The following MYO10 variants were observed in gnomAD, a reference collection of about 807,000 sequenced individuals.
MYO10 encodes unconventional myosin-X.
A neutral mutation model predicts 257.3 loss-of-function variants in MYO10; 133 were observed. The ratio of observed to expected loss-of-function variants is 0.52; its 90% CI spans 0.45 to 0.60. MYO10 has a LOEUF of 0.60. MYO10 is among the 20% of genes least tolerant of loss of function. MYO10 has a pLI of 0.00. For synonymous variants in MYO10, 1,104 were observed against 1,028.6 expected (o/e 1.07, Z -1.40); for missense variants, 2,399 against 2,635.7 (o/e 0.91, Z 1.97).
intron 19 of MYO10, among the ~76,000 whole-genome samples, chr5:16,712,951 C>T (rs1220341009): frequency 1.3e-5 from 2 of 151,992 alleles, no homozygotes; most frequent in Admixed American, 6.6e-5. Flanking sequence ...TTTAAAAATG[C>T]GGGTTGGGGG....
At position 16,665,441 on chromosome 5, in the gene MYO10, A is replaced by C. The variant is rs1426143809; in HGVS notation, c.*1251T>G. On this transcript the variant is annotated 3_prime_UTR_variant, in exon 41 of 41. Coordinates refer to ENST00000513610, the MANE Select transcript of MYO10 (RefSeq NM_012334.3). ...CAAGTCCTTAAAACTTTTCCATATA[A>C]AAATAAAAAGTCCAAGACCAGATTA... 1 of 152,182 alleles carries C rather than the reference A, an allele frequency of 6.6e-6. No homozygotes were observed. The highest frequency in any genetic ancestry group is 1.5e-5 in the Non-Finnish European group (1 of 68,028). The allele number at this position is 152,182 out of a possible 1,614,324, so 9.4% of individuals were successfully genotyped here. A position where few individuals can be genotyped will look rare whatever the true frequency, so the allele number is the denominator to read the frequency against.
chr5:16,747,918 C>CA (rs777257950), intron 19 of MYO10, among the ~76,000 whole-genome samples: 1,129 of 30,440 alleles, frequency 0.037, 240 homozygotes, highest in Non-Finnish European at 0.2. Flanking sequence ...AACTCCGTCT[C>CA]AAAAAAAAAA....
chr5:16,833,936 T>C (rs1743232437), intron 2 of MYO10, among the ~76,000 whole-genome samples: 1 of 152,228 alleles, frequency 6.6e-6, no homozygotes, highest in Non-Finnish European at 1.5e-5. Context: ...GGCCATACCC[T>C]GATTGGAATT....
intron 27 of MYO10, 118 bp from the exon 28 acceptor site, chr5:16,690,037 G>A: frequency 1.4e-6 from 1 of 726,226 alleles, no homozygotes; most frequent in Non-Finnish European, 2.4e-6. Flanking sequence ...TGACGAAACG[G>A]TACACAGTTG....
chr5:16,780,460 C>G (rs774908648), intron 8 of MYO10, 64 bp downstream of exon 8: 5 of 1,352,326 alleles, frequency 3.7e-6, no homozygotes, highest in Non-Finnish European at 5.2e-6. Flanking sequence ...CTCTCATTTA[C>G]TGACATCTAT....
chr5:16,909,198 G>A (rs903792953), intron 1 of MYO10, among the ~76,000 whole-genome samples: 1 of 152,116 alleles, frequency 6.6e-6, no homozygotes, highest in African/African-American at 2.4e-5. Flanking sequence ...CATGTCCAGG[G>A]GAACTGCCCT....
intron 1 of MYO10, among the ~76,000 whole-genome samples, chr5:16,908,409 T>C (rs1745571650): frequency 6.6e-6 from 1 of 151,744 alleles, no homozygotes; most frequent in Admixed American, 6.6e-5. Context: ...ACACCTGTAA[T>C]CCCAGCTACT....
At chr5:16,883,135 T>G (rs373830380) in intron 1 of MYO10, among the ~76,000 whole-genome samples, 11 of 152,208 alleles carry the variant, frequency 7.2e-5, no homozygotes, top group African/African-American at 2.4e-4. Context: ...CAGGATGGTC[T>G]TGATCTCCTG....
intron 19 of MYO10, among the ~76,000 whole-genome samples, chr5:16,746,974 C>G (rs1339768942): frequency 3.3e-5 from 5 of 152,198 alleles, no homozygotes; most frequent in Admixed American, 3.3e-4. Flanking sequence ...GTGGCAGACC[C>G]TCACACCCAG....
intron 16 of MYO10, 136 bp from the exon 17 acceptor site, chr5:16,761,682 G>C: frequency 1.4e-6 from 1 of 708,948 alleles, no homozygotes; most frequent in Non-Finnish European, 2.3e-6. Context: ...ACAGGGTCTT[G>C]CTCTATTTCC....
intron 19 of MYO10, among the ~76,000 whole-genome samples, chr5:16,722,169 C>T (rs1739177471): frequency 6.6e-6 from 1 of 152,218 alleles, no homozygotes; most frequent in Non-Finnish European, 1.5e-5. Context: ...ATGCATCCCA[C>T]AGGTGCCATC....
intron 1 of MYO10, among the ~76,000 whole-genome samples, chr5:16,913,042 CA>C (rs1411854676): frequency 4.8e-4 from 72 of 150,410 alleles, no homozygotes; most frequent in African/African-American, 1.6e-3. Context: ...TAAAGTTCAC[CA>C]AAAAAGGAGC....
At chr5:16,870,435 G>A (rs1334011702) in intron 2 of MYO10, among the ~76,000 whole-genome samples, 1 of 151,394 alleles carries the variant, frequency 6.6e-6, no homozygotes, top group Non-Finnish European at 1.5e-5. Context: ...AGGAGCTTGT[G>A]AAAAATTCAG....
chr5:16,703,274 C>T, intron 22 of MYO10, 116 bp from the exon 23 acceptor site: 1 of 748,602 alleles, frequency 1.3e-6, no homozygotes, highest in South Asian at 1.9e-5. Flanking sequence ...GAATGAGACT[C>T]TCATTATGGA....
intron 19 of MYO10, among the ~76,000 whole-genome samples, chr5:16,735,686 A>G (rs185718277): frequency 2.4e-3 from 307 of 130,214 alleles, no homozygotes; most frequent in Middle Eastern, 3.9e-3. Context: ...GAGCCTCGGG[A>G]AAAAAAAAAA....
At chr5:16,778,574 C>T (rs1409278790) in intron 9 of MYO10, among the ~76,000 whole-genome samples, 2 of 151,774 alleles carry the variant, frequency 1.3e-5, no homozygotes, top group African/African-American at 2.4e-5. Context: ...GGTGGGGCCA[C>T]GGGGAATTCT....
rs545553074 is a variant in MYO10 at position 16,935,805 on chromosome 5, C to T, written c.4G>A (p.Asp2Asn). The change falls in exon 1 of 41, where the codon GAT becomes AAT. Residue 2 changes from aspartate (D) to asparagine (N), a missense_variant. By Grantham distance (23) the Asp-to-Asn change is conservative. Around this residue, in one of 3 missense-constraint regions of MYO10, gnomAD observed 242 missense variants for 249.5 expected, o/e 0.97. Coordinates refer to ENST00000513610, the MANE Select transcript of MYO10 (RefSeq NM_012334.3). ...GCACTTACCTCGGTGAAGAAGTTAT[C>T]CATTGTTCCAGCGCAGTCCCGGACT... M[D>N]NFFTEGTRVW... is the part of the protein sequence containing the mutation. 93 of 1,613,354 alleles carry T rather than the reference C, an allele frequency of 5.8e-5. No homozygotes were observed. In the South Asian group the frequency reaches 9.4e-4, roughly 16 times the overall value.
chr5:16,908,552 G>C (rs1165289110), intron 1 of MYO10, among the ~76,000 whole-genome samples: 1 of 152,110 alleles, frequency 6.6e-6, no homozygotes, highest in Non-Finnish European at 1.5e-5. Flanking sequence ...AATTTGTTAG[G>C]TAAACCAATT....
At position 16,782,392 on chromosome 5, in the gene MYO10, C is replaced by T. The variant is rs28495109; in HGVS notation, c.603-563G>A. ...ACTATAGCCTAAAAGCAGCTGTAAACACTACTCATGAGTGTGGCTGGGTTC... is the reference window on the plus strand; with the variant it reads ...ACTATAGCCTAAAAGCAGCTGTAAATACTACTCATGAGTGTGGCTGGGTTC... On this transcript the variant is annotated intron_variant, in intron 5 of 40. Transcript: ENST00000513610. Among the ~76,000 whole-genome samples, 396 of 152,264 alleles carry T rather than the reference C, an allele frequency of 2.6e-3. 4 individuals carry two copies. The highest frequency in any genetic ancestry group is 9.3e-3 in the African/African-American group (385 of 41,566).
Sources: gnomAD v4.1 joint callset for allele counts (sites outside exome capture counted in the v4.1 genomes callset) on GRCh38, gnomAD v4.1.1 for gene constraint, gnomAD v4.1.1 regional missense constraint, MANE v1.5 for transcripts, NCBI Gene and HGNC (gene_info 2026-07-23, HGNC 2026-07-21) for gene names.